The following LITAF variants were observed in gnomAD, a reference collection of about 807,000 sequenced individuals.
LITAF encodes the protein lipopolysaccharide-induced tumor necrosis factor-alpha factor.
LITAF carries 9 observed loss-of-function variants against 14.5 expected under a neutral mutation model. That is an observed-to-expected ratio of 0.62 (90% confidence interval 0.37 to 1.08). LITAF has a LOEUF of 1.08. Among genes scored for constraint, LITAF ranks in the 50% least tolerant of loss-of-function variants. The pLI, the probability that LITAF is intolerant of heterozygous loss-of-function variation, is 0.01. For synonymous variants in LITAF, 98 were observed against 88.2 expected (o/e 1.11, Z -0.62); for missense variants, 206 against 213.4 (o/e 0.97, Z 0.22).
Position 11,586,836 on chromosome 16 carries a change from C to A in LITAF, c.-6+50G>T. ...GCAGGTGCTGGCGCCACCGGCCCCCCGCTGTCTCCCGCTGGTCCCCGCGCC... is the reference window on the plus strand; with the variant it reads ...GCAGGTGCTGGCGCCACCGGCCCCCAGCTGTCTCCCGCTGGTCCCCGCGCC... On this transcript the variant is annotated intron_variant, in intron 1 of 3. Transcript: ENST00000622633. The surrounding 1 kb of genome is among the most constrained non-coding windows in gnomAD (Gnocchi z 6.5). 6.6e-6 allele frequency: 1 copy of A among 152,158 alleles called. No individual in the cohort carries two copies. Among genetic ancestry groups the A allele is most frequent in the South Asian group, 1.8e-4 (1 of 5,452 alleles). 9.4% of individuals were successfully genotyped at this position (152,158 alleles called of 1,614,324 possible).
At position 11,632,059 on chromosome 16, in the gene LITAF, G is replaced by C. The variant is rs2065120795; in HGVS notation, c.85+1474C>G. ...TTTTTTTGTCTTTTTAGTAGAGACG[G>C]GGTTTCACCGTGTTAACCAGGATGG... is the stretch of plus-strand genomic sequence containing the variant. On this transcript the variant is annotated intron_variant, in intron 3 of 3. Coordinates refer to the LITAF transcript ENST00000574848. This position sits in a 1 kb window ranked among gnomAD's most constrained non-coding sequence, Gnocchi z 4.8. Among the ~76,000 whole-genome samples, 5 of 151,780 alleles carry C rather than the reference G, an allele frequency of 3.3e-5. No homozygotes were observed. The South Asian group carries it at 1.0e-3, about 32-fold the overall frequency.
intron 1 of LITAF, among the ~76,000 whole-genome samples, chr16:11,578,535 A>T (rs748278852): frequency 1.3e-5 from 2 of 152,180 alleles, no homozygotes; most frequent in Non-Finnish European, 2.9e-5. Context: ...CCATCTATGA[A>T]AAGGGAAAGA....
chr16:11,595,919 G>T (rs2064881785), intron 1 of LITAF, among the ~76,000 whole-genome samples: 1 of 151,928 alleles, frequency 6.6e-6, no homozygotes, highest in Non-Finnish European at 1.5e-5. Flanking sequence ...CTATTTCTTT[G>T]GAATTCAAAT....
chr16:11,623,497 T>G, intron 3 of LITAF, among the ~76,000 whole-genome samples: 1 of 151,218 alleles, frequency 6.6e-6, no homozygotes, highest in Admixed American at 6.6e-5. Flanking sequence ...CCATCTCTAC[T>G]AAAGATACAA....
intron 2 of LITAF, among the ~76,000 whole-genome samples, chr16:11,555,875 C>T (rs888612494): frequency 6.6e-6 from 1 of 152,070 alleles, no homozygotes; most frequent in African/African-American, 2.4e-5. Flanking sequence ...TTGATGAAAC[C>T]TATTTTACAA....
chr16:11,617,436 T>C (rs2065025741), intron 3 of LITAF, among the ~76,000 whole-genome samples: 1 of 140,670 alleles, frequency 7.1e-6, no homozygotes. Flanking sequence ...CTTTTTTTTT[T>C]TTTTTTTTTT....
At chr16:11,550,246 G>T (rs141310707) in intron 3 of LITAF, among the ~76,000 whole-genome samples, 7,875 of 152,234 alleles carry the variant, frequency 0.052, 298 homozygotes, top group African/African-American at 0.1. Flanking sequence ...CATGCCACCA[G>T]GCCCAGCTAA....
chr16:11,589,552 C>T (rs1446636764), upstream of LITAF, among the ~76,000 whole-genome samples: 1 of 151,460 alleles, frequency 6.6e-6, no homozygotes, highest in Non-Finnish European at 1.5e-5. Flanking sequence ...TACTAAATAC[C>T]TATTAGAGCT....
At chr16:11,572,601 G>A (rs2064562517) in intron 1 of LITAF, among the ~76,000 whole-genome samples, 3 of 152,102 alleles carry the variant, frequency 2.0e-5, no homozygotes, top group Non-Finnish European at 2.9e-5. Context: ...GCAGCCCCAC[G>A]TAGTCATGAG....
At chr16:11,638,109 T>G (rs527565898), upstream of LITAF, among the ~76,000 whole-genome samples, 50 of 68,660 alleles carry the variant, frequency 7.3e-4, 4 homozygotes, top group African/African-American at 5.5e-3. Context: ...TATATATATA[T>G]CTATCTATAT....
At chr16:11,596,837 G>A (rs1379817262) in intron 1 of LITAF, among the ~76,000 whole-genome samples, 6 of 150,254 alleles carry the variant, frequency 4.0e-5, no homozygotes, top group African/African-American at 1.2e-4. Flanking sequence ...GGAGGAGGTG[G>A]TGGGGAGGAG....
upstream of LITAF, among the ~76,000 whole-genome samples, chr16:11,591,679 C>T (rs947542254): frequency 8.5e-5 from 13 of 152,078 alleles, no homozygotes; most frequent in African/African-American, 3.1e-4. Flanking sequence ...CTCACTCCGT[C>T]ACCCAGGTTG....
At chr16:11,636,513 AC>A (rs1294169906), upstream of LITAF, 1 of 152,356 alleles carries the variant, frequency 6.6e-6, no homozygotes, top group Non-Finnish European at 1.5e-5. Context: ...GACTAGGTGT[AC>A]CTTTTGCATA....
upstream of LITAF, among the ~76,000 whole-genome samples, chr16:11,600,261 G>C (rs1324130540): frequency 1.3e-5 from 2 of 152,226 alleles, no homozygotes; most frequent in Admixed American, 1.3e-4. This position sits in a 1 kb window ranked among gnomAD's most constrained non-coding sequence, Gnocchi z 4.1. Flanking sequence ...ACATGTGCCA[G>C]CCACTGCATT....
intron 1 of LITAF, among the ~76,000 whole-genome samples, chr16:11,570,613 G>A (rs543685427): frequency 2.0e-5 from 3 of 152,328 alleles, no homozygotes; most frequent in South Asian, 4.1e-4. Flanking sequence ...CTTTGTGTAT[G>A]TGATTAAGAA....
intron 1 of LITAF, among the ~76,000 whole-genome samples, chr16:11,593,149 C>T (rs926979407): frequency 4.0e-5 from 6 of 151,318 alleles, no homozygotes; most frequent in Non-Finnish European, 8.8e-5. Context: ...CCAGCCTGGG[C>T]AGCAGAGTGA....
intron 1 of LITAF, among the ~76,000 whole-genome samples, chr16:11,564,479 C>T (rs192215181): frequency 1.3e-5 from 2 of 152,250 alleles, no homozygotes; most frequent in Admixed American, 6.5e-5. Flanking sequence ...TCATCCTACT[C>T]CTTGCGCGCC....
chr16:11,621,763 C>G (rs546341322), intron 3 of LITAF, among the ~76,000 whole-genome samples: 11 of 152,062 alleles, frequency 7.2e-5, no homozygotes, highest in South Asian at 2.1e-4. Flanking sequence ...TTCCCTGCCC[C>G]GACTCTCTTC....
At chr16:11,561,356 G>A (rs938674778) in intron 1 of LITAF, 5 of 152,230 alleles carry the variant, frequency 3.3e-5, no homozygotes, top group African/African-American at 7.2e-5. Flanking sequence ...CAACACACAG[G>A]TGTGGGGGAT....
Sources: allele counts gnomAD v4.1 joint callset (sites outside exome capture counted in the v4.1 genomes callset), GRCh38; gene constraint gnomAD v4.1.1; non-coding constraint Gnocchi (gnomAD v3.1); transcripts MANE v1.5; gene names NCBI Gene and HGNC (gene_info 2026-07-23, HGNC 2026-07-21).